Variants in GRK1 observed in about 807,000 individuals in gnomAD.
The protein encoded by GRK1 is rhodopsin kinase GRK1.
Under a neutral mutation model 41.7 loss-of-function variants are expected in GRK1, and 28 were observed. The observed-to-expected ratio is 0.67, with a 90% confidence interval of 0.50 to 0.92. GRK1 has a LOEUF of 0.92. Among genes scored for constraint, GRK1 ranks in the 40% least tolerant of loss-of-function variants. GRK1 has a pLI of 0.00. For missense variants in GRK1, 703 were observed against 671.2 expected, an observed-to-expected ratio of 1.05 and a Z score of -0.52; for synonymous variants, 327 against 286.7, an observed-to-expected ratio of 1.14 and a Z score of -1.42.
At chr13:113,668,302 C>A (rs977671704) in intron 1 of GRK1, among the ~76,000 whole-genome samples, 1 of 152,242 alleles carries the variant, frequency 6.6e-6, no homozygotes, top group Non-Finnish European at 1.5e-5. Context: ...GGAGAGTGAC[C>A]TCCACATTTT....
Position 113,669,755 on chromosome 13 carries a change from GT to G in GRK1, c.771del (p.Phe257LeufsTer10). 2 of 1,613,992 alleles carry G rather than the reference GT, an allele frequency of 1.2e-6. No homozygotes were observed. The highest frequency in any genetic ancestry group is 2.2e-5 in the East Asian group (1 of 44,886). Reference protein sequence around the residue: ...SRFIVSLAYAFETKADLCLVM... With the variant: ...SRFIVSLAYAXETKADLCLVM... ...GGTTCATCGTGTCTCTGGCCTATGCGTTTGAAACCAAAGCCGACCTCTGTCT... is the reference window on the plus strand; with the variant it reads ...GGTTCATCGTGTCTCTGGCCTATGCGTTGAAACCAAAGCCGACCTCTGTCT... On this transcript the variant is annotated frameshift_variant, in exon 2 of 7. Coordinates refer to ENST00000335678, the MANE Select transcript of GRK1 (RefSeq NM_002929.3). LOFTEE classifies it high-confidence loss of function.
rs1054143354 is a variant in GRK1 at position 113,731,163 on chromosome 13, T to C, written c.1070-56T>C. 2.4e-4 allele frequency: 365 copies of C among 1,517,538 alleles called. No homozygotes were observed. Among genetic ancestry groups the C allele is most frequent in the Non-Finnish European group, 5.8e-5 (66 of 1,133,664 alleles). 94.0% of individuals were successfully genotyped at this position (1,517,538 alleles called of 1,614,324 possible). On this transcript the variant is annotated intron_variant, in intron 4 of 6. Transcript: ENST00000335678. The surrounding 1 kb of genome is among the most constrained non-coding windows in gnomAD (Gnocchi z 5.6). ...AGCATCAGTCCTGCGATTCCTGGAG[T>C]GCGTGCCCACCATGGAGGTGACCAC... is the stretch of plus-strand genomic sequence containing the variant.
the GRK1 span, among the ~76,000 whole-genome samples, chr13:113,656,042 C>G: frequency 2.0e-5 from 3 of 152,264 alleles, no homozygotes; most frequent in Non-Finnish European, 4.4e-5. Context: ...CTTTCCCCGC[C>G]GGGCGTCCCT....
chr13:113,649,653 A>T, the GRK1 span: 1 of 1,208,884 alleles, frequency 8.3e-7, no homozygotes, highest in Non-Finnish European at 1.1e-6. This position sits in a 1 kb window ranked among gnomAD's most constrained non-coding sequence, Gnocchi z 4.7. Flanking sequence ...CTTTTGTGTA[A>T]GACTGGCCCT....
At chr13:113,730,377 C>T (rs916576098) in intron 4 of GRK1, among the ~76,000 whole-genome samples, 5 of 151,390 alleles carry the variant, frequency 3.3e-5, no homozygotes, top group African/African-American at 9.7e-5. Flanking sequence ...AGACAGTCCC[C>T]GCGGCTGAGC....
chr13:113,729,208 G>C (rs1465182499), intron 4 of GRK1, among the ~76,000 whole-genome samples: 2 of 152,242 alleles, frequency 1.3e-5, no homozygotes, highest in Non-Finnish European at 2.9e-5. Flanking sequence ...GTTTGTGAGT[G>C]TGAAAGCACT....
chr13:113,652,022 C>G, the GRK1 span, among the ~76,000 whole-genome samples: 1 of 152,154 alleles, frequency 6.6e-6, no homozygotes, highest in East Asian at 1.9e-4. Flanking sequence ...TCTTAGCCCT[C>G]GAACCATGTC....
chr13:113,730,049 G>A (rs139559818), intron 4 of GRK1, among the ~76,000 whole-genome samples: 1 of 132,514 alleles, frequency 7.5e-6, no homozygotes, highest in Non-Finnish European at 1.6e-5. Flanking sequence ...ACCCAGACCC[G>A]TCCCTCCATC....
chr13:113,654,691 G>A, the GRK1 span: 2 of 1,432,570 alleles, frequency 1.4e-6, no homozygotes, highest in Non-Finnish European at 1.9e-6. Context: ...CCCTGGGGCT[G>A]CCGGGCTGGC....
chr13:113,669,584 G>A, intron 1 of GRK1, 103 bp from the exon 2 acceptor site: 7 of 1,413,206 alleles, frequency 5.0e-6, no homozygotes, highest in South Asian at 3.5e-5. Context: ...CGACTGCTCC[G>A]TGGCTGTGTG....
Position 113,733,850 on chromosome 13 carries a change from T to C in GRK1, c.1396+765T>C, listed in dbSNP as rs890771833. Reference sequence around the variant, plus strand: ...GTGTGTGCACGTGCGTGTGCATGTGTATGTGTGCATACGTGTGTGCGTGTG... The same window carrying C: ...GTGTGTGCACGTGCGTGTGCATGTGCATGTGTGCATACGTGTGTGCGTGTG... On this transcript the variant is annotated intron_variant, in intron 6 of 6. Coordinates refer to ENST00000335678, the MANE Select transcript of GRK1 (RefSeq NM_002929.3). Among the ~76,000 whole-genome samples the C allele has an allele frequency of 1.2e-4, 17 of 137,700 alleles. 2 individuals carry two copies. Among genetic ancestry groups the C allele is most frequent in the African/African-American group, 3.0e-4 (10 of 32,958 alleles). 90.3% of individuals were successfully genotyped at this position (137,700 alleles called of 152,430 possible).
chr13:113,732,750 G>T, intron 5 of GRK1, 134 bp from the exon 6 acceptor site: 1 of 841,452 alleles, frequency 1.2e-6, no homozygotes, highest in Non-Finnish European at 1.8e-6. Context: ...TGCTGTGCTG[G>T]GGAGGGGCAC....
intron 6 of GRK1, among the ~76,000 whole-genome samples, chr13:113,733,729 G>GCA (rs2049964081): frequency 7.1e-6 from 1 of 141,136 alleles, no homozygotes; most frequent in Non-Finnish European, 1.6e-5. Flanking sequence ...GTGTGTGCGC[G>GCA]CGTGTGTATG....
chr13:113,655,066 C>T, the GRK1 span: 31 of 1,344,330 alleles, frequency 2.3e-5, no homozygotes, highest in Non-Finnish European at 2.5e-5. Context: ...GAACATTCTC[C>T]TCCCCCAAAA....
chr13:113,737,664 T>G lies in GRK1; in HGVS notation c.*2301T>G, dbSNP rs1445108768. On this transcript the variant is annotated 3_prime_UTR_variant, in exon 7 of 7. Coordinates refer to ENST00000335678, the MANE Select transcript of GRK1 (RefSeq NM_002929.3). ...GAGACTTTCATATGTCCTGTCAAGT[T>G]GCCTCATGCACCTGCAGACTGTTCT... 1 of 154,542 alleles carries G rather than the reference T, an allele frequency of 6.5e-6. No homozygotes were observed. The highest frequency in any genetic ancestry group is 2.4e-5 in the African/African-American group (1 of 41,518). The allele number at this position is 154,542 out of a possible 1,614,324, so 9.6% of individuals were successfully genotyped here.
chr13:113,654,691 G>T, the GRK1 span: 1 of 1,432,570 alleles, frequency 7.0e-7, no homozygotes, highest in Non-Finnish European at 9.3e-7. Flanking sequence ...CCCTGGGGCT[G>T]CCGGGCTGGC....
rs2049859502 is a variant in GRK1, at chr13:113,671,722, G to A, written c.985+66G>A. 2.7e-5 allele frequency: 19 copies of A among 701,088 alleles called. No homozygotes were observed. Among genetic ancestry groups the A allele is most frequent in the South Asian group, 2.7e-4 (18 of 67,566 alleles). The allele number at this position is 701,088 out of a possible 1,614,324, so 43.4% of individuals were successfully genotyped here. On this transcript the variant is annotated intron_variant, in intron 3 of 6. Coordinates refer to ENST00000335678, the MANE Select transcript of GRK1 (RefSeq NM_002929.3). This position sits in a 1 kb window ranked among gnomAD's most constrained non-coding sequence, Gnocchi z 4.1. ...GAGGGCGGGGCGCAGCTTCCTTGGG[G>A]GTCTCTGCACAACCTCACGAGGGCT...
chr13:113,662,102 G>C, the GRK1 span, among the ~76,000 whole-genome samples: 1 of 152,188 alleles, frequency 6.6e-6, no homozygotes, highest in Non-Finnish European at 1.5e-5. Context: ...ATCCAACAAA[G>C]TATAAAAAGC....
chr13:113,727,975 C>T (rs1167476125), intron 4 of GRK1, among the ~76,000 whole-genome samples: 3 of 82,652 alleles, frequency 3.6e-5, no homozygotes, highest in Non-Finnish European at 6.5e-5. Flanking sequence ...GGACCCATGG[C>T]GATGAGGAGT....
Sources: gnomAD v4.1 joint callset for allele counts (sites outside exome capture counted in the v4.1 genomes callset) on GRCh38, gnomAD v4.1.1 for gene constraint, Gnocchi (gnomAD v3.1) non-coding constraint, MANE v1.5 for transcripts, NCBI Gene and HGNC (gene_info 2026-07-23, HGNC 2026-07-21) for gene names.